UTP6: variants seen among roughly 807,000 people sequenced by gnomAD.
UTP6 encodes the protein U3 small nucleolar RNA-associated protein 6 homolog.
In UTP6, 60 loss-of-function variants were observed where a neutral mutation model predicts 96.5. The ratio of observed to expected loss-of-function variants is 0.62; its 90% confidence interval spans 0.51 to 0.77. The LOEUF (loss-of-function observed/expected upper bound fraction) is 0.77. Ranked by LOEUF, UTP6 falls within the 30% of genes least tolerant of loss-of-function variation. The pLI is 0.00. For missense variants in UTP6, 637 were observed against 706.5 expected, an observed-to-expected ratio of 0.90 and a Z score of 1.12; for synonymous variants, 215 against 240.1, an observed-to-expected ratio of 0.90 and a Z score of 0.96.
chr17:31,890,493 CTA>C (rs961678021), intron 6 of UTP6, among the ~76,000 whole-genome samples: 1 of 151,600 alleles, frequency 6.6e-6, no homozygotes, highest in African/African-American at 2.4e-5. Flanking sequence ...TGGCACCCTC[CTA>C]TAGTCTCAGC....
At position 31,873,662 on chromosome 17, in the gene UTP6, G is replaced by A. The variant is rs372828816; in HGVS notation, c.1386+11C>T. On this transcript the variant is annotated intron_variant, in intron 15 of 18. Coordinates refer to ENST00000261708, the MANE Select transcript of UTP6 (RefSeq NM_018428.3). ...CCCCACACCACAAGACTTGGAACACGGAGCCTATACCTTAAAGACTGCCTC... is the reference window on the plus strand; with the variant it reads ...CCCCACACCACAAGACTTGGAACACAGAGCCTATACCTTAAAGACTGCCTC... 22 of 1,613,708 alleles carry A rather than the reference G, an allele frequency of 1.4e-5. No individual in the cohort carries two copies. The highest frequency in any genetic ancestry group is 4.4e-5 in the South Asian group (4 of 91,028).
At chr17:31,873,790 C>T (rs1910331491) in intron 14 of UTP6, 37 bp from the exon 15 acceptor site, 1 of 1,582,836 alleles carries the variant, frequency 6.3e-7, no homozygotes, top group Middle Eastern at 1.7e-4. Flanking sequence ...TAGAGAACAG[C>T]ATATAACAAA....
intron 17 of UTP6, among the ~76,000 whole-genome samples, chr17:31,865,748 TAAAG>T (rs757085413): frequency 6.6e-6 from 1 of 152,242 alleles, no homozygotes; most frequent in Non-Finnish European, 1.5e-5. Context: ...GGGAATTAAA[TAAAG>T]AAACAGCGAA....
intron 13 of UTP6, among the ~76,000 whole-genome samples, 172 bp from the exon 14 acceptor site, chr17:31,875,585 G>A (rs1292621050): frequency 1.3e-5 from 2 of 152,078 alleles, no homozygotes; most frequent in African/African-American, 4.8e-5. Context: ...AGCACTTTGG[G>A]AGGCCCAGGC....
At chr17:31,883,064 T>G (rs1432753342) in intron 10 of UTP6, among the ~76,000 whole-genome samples, 1 of 152,132 alleles carries the variant, frequency 6.6e-6, no homozygotes, top group East Asian at 1.9e-4. Flanking sequence ...CCAGGTGTAA[T>G]GGCTCACACC....
In UTP6 at chr17:31,884,443, G is replaced by A; in HGVS notation, c.766C>T (p.Gln256Ter). The change falls in exon 10 of 19, where the codon CAA (glutamine) becomes TAA (stop). Residue 256 changes from glutamine to a stop codon, truncating the protein, a stop_gained. Coordinates refer to ENST00000261708, the MANE Select transcript of UTP6 (RefSeq NM_018428.3). LOFTEE classifies it high-confidence loss of function. The stretch of plus-strand genomic sequence containing the variant: ...ACTTACTCATCATAAATCTCTTTTT[G>A]TAGATCTTTGGCAAAGTCAAATAGC... Reference protein sequence around the residue: ...AQLFDFAKDLQKEIYDDLQAL... With the variant: ...AQLFDFAKDL The A allele has an allele frequency of 6.2e-7, 1 of 1,610,406 alleles. No homozygotes were observed. Among genetic ancestry groups the A allele is most frequent in the Non-Finnish European group, 8.5e-7 (1 of 1,178,630 alleles).
At chr17:31,893,231 T>A (rs1312875935) in intron 4 of UTP6, among the ~76,000 whole-genome samples, 1 of 152,064 alleles carries the variant, frequency 6.6e-6, no homozygotes, top group Non-Finnish European at 1.5e-5. Flanking sequence ...CACTCCAGCC[T>A]GGGCAACATA....
chr17:31,882,948 A>G (rs1205408561), intron 10 of UTP6, among the ~76,000 whole-genome samples: 1 of 151,970 alleles, frequency 6.6e-6, no homozygotes, highest in Admixed American at 6.6e-5. Flanking sequence ...ACCATACCCA[A>G]CTAATTTTAT....
At chr17:31,873,332 G>T (rs1159008051) in intron 16 of UTP6, 46 bp downstream of exon 16, 1 of 1,565,372 alleles carries the variant, frequency 6.4e-7, no homozygotes, top group Non-Finnish European at 8.8e-7. Flanking sequence ...GAGCGGCTGA[G>T]CATGGGGTAG....
chr17:31,891,267 C>T (rs1376505655), intron 6 of UTP6, among the ~76,000 whole-genome samples: 1 of 152,166 alleles, frequency 6.6e-6, no homozygotes, highest in East Asian at 1.9e-4. Flanking sequence ...TCTGTAGAAG[C>T]CATGCCCATC....
chr17:31,868,203 A>G, intron 16 of UTP6, 91 bp from the exon 17 acceptor site: 1 of 1,155,808 alleles, frequency 8.7e-7, no homozygotes, highest in Admixed American at 2.4e-5. Context: ...TGCCTCCACA[A>G]CACATGGTTT....
At chr17:31,893,484 C>A (rs1446447024) in intron 4 of UTP6, among the ~76,000 whole-genome samples, 1 of 149,544 alleles carries the variant, frequency 6.7e-6, no homozygotes, top group Non-Finnish European at 1.5e-5. Context: ...GTAATCCCAG[C>A]ACTTTTGGAG....
intron 2 of UTP6, among the ~76,000 whole-genome samples, chr17:31,895,725 G>C (rs892235964): frequency 6.6e-6 from 1 of 151,916 alleles, no homozygotes. Context: ...GTAGAGATGG[G>C]GTTTCACCAT....
At chr17:31,864,191 C>T (rs1909688189) in intron 18 of UTP6, among the ~76,000 whole-genome samples, 2 of 152,114 alleles carry the variant, frequency 1.3e-5, no homozygotes, top group African/African-American at 4.8e-5. Context: ...TCAAGACCAG[C>T]CTAGCCAGCA....
intron 13 of UTP6, among the ~76,000 whole-genome samples, chr17:31,877,680 A>C (rs887313703): frequency 2.6e-5 from 4 of 151,964 alleles, no homozygotes; most frequent in African/African-American, 9.7e-5. Context: ...AAAAATACAA[A>C]AATTTGGCCA....
intron 10 of UTP6, among the ~76,000 whole-genome samples, chr17:31,883,379 A>G (rs914863206): frequency 6.7e-6 from 1 of 150,104 alleles, no homozygotes; most frequent in African/African-American, 2.5e-5. Context: ...GCAATGGCAC[A>G]ATCTTGGCTC....
At position 31,899,658 on chromosome 17, in the gene UTP6, G is replaced by C; in HGVS notation, c.165C>G (p.Ile55Met). ...QRRTLFKEDF[I>M]NYVQYEINLL... ...ATTACACACTTACTTGAACATAATT[G>C]ATAAAGTCTTCCTTGAAAAGGGTTC... The change falls in exon 2 of 19, where the codon ATC becomes ATG. Residue 55 changes from isoleucine to methionine, a missense_variant. Ile to Met is a conservative substitution (Grantham distance 10, BLOSUM62 1). Coordinates refer to ENST00000261708, the MANE Select transcript of UTP6 (RefSeq NM_018428.3). 1 of 1,596,320 alleles carries C rather than the reference G, an allele frequency of 6.3e-7. No homozygotes were observed. Among genetic ancestry groups the C allele is most frequent in the Non-Finnish European group, 8.5e-7 (1 of 1,173,606 alleles).
intron 17 of UTP6, among the ~76,000 whole-genome samples, chr17:31,867,507 CAAAA>C (rs753954881): frequency 2.5e-5 from 3 of 117,840 alleles, no homozygotes; most frequent in African/African-American, 6.2e-5. Context: ...GACTCTATCT[CAAAA>C]AAAAAAAAAA....
At chr17:31,885,341 C>CACCAT (rs1404047418) in intron 9 of UTP6, among the ~76,000 whole-genome samples, 2 of 151,384 alleles carry the variant, frequency 1.3e-5, no homozygotes, top group Non-Finnish European at 2.9e-5. Context: ...AATGGGGTTT[C>CACCAT]ACCATGTGGG....
Sources: gnomAD v4.1 joint callset for allele counts (sites outside exome capture counted in the v4.1 genomes callset) on GRCh38, gnomAD v4.1.1 for gene constraint, MANE v1.5 for transcripts, NCBI Gene and HGNC (gene_info 2026-07-23, HGNC 2026-07-21) for gene names.